SFXN5: variants seen among roughly 807,000 people sequenced by gnomAD.
SFXN5 encodes the protein sideroflexin 5.
Under a neutral mutation model 50.2 loss-of-function variants are expected in SFXN5, and 43 were observed. That is an observed-to-expected ratio of 0.86 (90% confidence interval 0.67 to 1.11). SFXN5 has a LOEUF of 1.11. SFXN5 is among the 50% of genes least tolerant of loss of function. SFXN5 has a pLI of 0.00. For missense variants in SFXN5, 463 were observed against 454.1 expected (o/e 1.02, Z -0.18); for synonymous variants, 203 against 185.8 (o/e 1.09, Z -0.75).
In SFXN5 at chr2:72,961,095, C is replaced by G; in HGVS notation, c.945+36G>C. 7.8e-7 allele frequency: 1 copy of G among 1,274,638 alleles called. No homozygotes were observed. The highest frequency in any genetic ancestry group is 2.7e-5 in the East Asian group (1 of 37,034). The allele number at this position is 1,274,638 out of a possible 1,614,324, so 79.0% of individuals were successfully genotyped here. On this transcript the variant is annotated intron_variant, in intron 13 of 13. Coordinates refer to ENST00000272433, the MANE Select transcript of SFXN5 (RefSeq NM_144579.3). The surrounding 1 kb of genome is among the most constrained non-coding windows in gnomAD (Gnocchi z 4.4). ...TTCAGAAATCACCAAACAGCACCCC[C>G]TGCCCTGCCCTGCCCTTGAGCCCCT... is the stretch of plus-strand genomic sequence containing the variant.
intron 1 of SFXN5, chr2:73,070,511 TGCC>T (rs1683501874): frequency 6.6e-6 from 1 of 152,362 alleles, no homozygotes; most frequent in Admixed American, 6.5e-5. Flanking sequence ...CCGCCTCGGC[TGCC>T]GCCCACCCCT....
At chr2:72,968,201 G>A (rs1674685297) in intron 12 of SFXN5, among the ~76,000 whole-genome samples, 1 of 150,648 alleles carries the variant, frequency 6.6e-6, no homozygotes, top group East Asian at 2.0e-4. Context: ...GGCCAGCACT[G>A]TTATCCTGGT....
intron 1 of SFXN5, 84 bp from the exon 2 acceptor site, chr2:73,058,680 G>T: frequency 2.2e-6 from 3 of 1,343,848 alleles, no homozygotes; most frequent in South Asian, 2.4e-5. Context: ...CACCCTTTAT[G>T]ATTGGGGTCC....
At chr2:73,052,738 C>G (rs1681542048) in intron 2 of SFXN5, among the ~76,000 whole-genome samples, 1 of 152,188 alleles carries the variant, frequency 6.6e-6, no homozygotes, top group Non-Finnish European at 1.5e-5. Context: ...ACAGCCTTGT[C>G]TTTAGAGATC....
chr2:73,037,872 C>T (rs1156428518), intron 3 of SFXN5, among the ~76,000 whole-genome samples: 4 of 151,986 alleles, frequency 2.6e-5, no homozygotes, highest in Non-Finnish European at 2.9e-5. Context: ...CAGGAAGCTA[C>T]GAGAAGAGGT....
intron 1 of SFXN5, chr2:73,070,918 A>T (rs949888577): frequency 5.1e-4 from 77 of 152,472 alleles, no homozygotes; most frequent in Middle Eastern, 3.4e-3. Context: ...CCAGGGGATG[A>T]CACAGCGTTT....
At chr2:72,979,379 A>T (rs2105507213) in intron 10 of SFXN5, among the ~76,000 whole-genome samples, 1 of 152,168 alleles carries the variant, frequency 6.6e-6, no homozygotes, top group Non-Finnish European at 1.5e-5. Context: ...CATGCCTGTA[A>T]TCCCAGCACT....
chr2:73,061,713 G>C (rs892843687), intron 1 of SFXN5, among the ~76,000 whole-genome samples: 2 of 152,090 alleles, frequency 1.3e-5, no homozygotes, highest in African/African-American at 4.8e-5. Flanking sequence ...TGGGTAATAG[G>C]CTTATGTATG....
At chr2:72,954,090 A>G (rs1372106427) in intron 13 of SFXN5, among the ~76,000 whole-genome samples, 1 of 152,140 alleles carries the variant, frequency 6.6e-6, no homozygotes, top group East Asian at 1.9e-4. Flanking sequence ...TGTGGCCTGT[A>G]AGAGCCACCC....
intron 10 of SFXN5, among the ~76,000 whole-genome samples, chr2:72,987,719 T>C (rs538085157): frequency 4.0e-4 from 61 of 151,974 alleles, no homozygotes; most frequent in African/African-American, 1.3e-3. Flanking sequence ...TGCACCACCA[T>C]ACTCCAGCCT....
Position 72,942,344 on chromosome 2 carries a change from TC to T in SFXN5, c.*2677del, listed in dbSNP as rs1454911406. 6.7e-6 allele frequency: 1 copy of T among 150,176 alleles called. No individual in the cohort carries two copies. The highest frequency in any genetic ancestry group is 1.5e-5 in the Non-Finnish European group (1 of 67,862). 9.3% of individuals were successfully genotyped at this position (150,176 alleles called of 1,614,324 possible). A position where few individuals can be genotyped will look rare whatever the true frequency, so the allele number is the denominator to read the frequency against. The stretch of plus-strand genomic sequence containing the variant: ...CTCCACGGCCAGCTTGACATCTTGG[TC>T]CCTGCACCCTCACACTGCTGTCTGG... On this transcript the variant is annotated 3_prime_UTR_variant, in exon 14 of 14. Coordinates refer to ENST00000272433, the MANE Select transcript of SFXN5 (RefSeq NM_144579.3).
intron 12 of SFXN5, among the ~76,000 whole-genome samples, chr2:72,962,202 A>G (rs1232470074): frequency 2.0e-5 from 3 of 152,242 alleles, no homozygotes; most frequent in Non-Finnish European, 2.9e-5. Context: ...GGCAGGCACT[A>G]AATCTGACCT....
At chr2:72,983,753 T>C (rs1026016431) in intron 10 of SFXN5, among the ~76,000 whole-genome samples, 2 of 152,184 alleles carry the variant, frequency 1.3e-5, no homozygotes, top group African/African-American at 4.8e-5. Flanking sequence ...TCTATTCCCC[T>C]GGCCACTGCC....
chr2:73,053,800 T>C (rs1179525665), intron 2 of SFXN5, among the ~76,000 whole-genome samples: 2 of 152,170 alleles, frequency 1.3e-5, no homozygotes, highest in East Asian at 3.9e-4. Flanking sequence ...TCACGACCTC[T>C]ACTGTTCTCT....
chr2:72,979,632 T>TATAA (rs1342807977), intron 10 of SFXN5, among the ~76,000 whole-genome samples: 3 of 152,178 alleles, frequency 2.0e-5, no homozygotes, highest in African/African-American at 4.8e-5. Flanking sequence ...AGACTCCGTC[T>TATAA]ATAAATAAAT....
At chr2:73,021,309 C>T (rs1172710189) in intron 5 of SFXN5, among the ~76,000 whole-genome samples, 1 of 152,036 alleles carries the variant, frequency 6.6e-6, no homozygotes, top group Non-Finnish European at 1.5e-5. Context: ...ATGATGAAAC[C>T]CCATCTCTAC....
In SFXN5 at chr2:72,961,092, CCCCTG is replaced by C. The variant is rs59002174; in HGVS notation, c.945+34_945+38del. 0.04 allele frequency: 54,580 copies of C among 1,375,292 alleles called. 9,858 individuals are homozygous for C. In the African/African-American group the frequency reaches 0.53, roughly 13 times the overall value. The allele number at this position is 1,375,292 out of a possible 1,614,324, so 85.2% of individuals were successfully genotyped here. A position where few individuals can be genotyped will look rare whatever the true frequency, so the allele number is the denominator to read the frequency against. Reference sequence around the variant, plus strand: ...TTGTTCAGAAATCACCAAACAGCACCCCCTGCCCTGCCCTGCCCTTGAGCCCCTCC... The same window carrying C: ...TTGTTCAGAAATCACCAAACAGCACCCCCTGCCCTGCCCTTGAGCCCCTCC... On this transcript the variant is annotated intron_variant, in intron 13 of 13. Transcript: ENST00000272433. This position sits in a 1 kb window ranked among gnomAD's most constrained non-coding sequence, Gnocchi z 4.4.
intron 2 of SFXN5, among the ~76,000 whole-genome samples, chr2:73,056,777 A>T (rs1487540687): frequency 6.6e-6 from 1 of 152,216 alleles, no homozygotes; most frequent in Non-Finnish European, 1.5e-5. Context: ...ATTTGACAAT[A>T]GCAAGTGTTG....
chr2:73,034,448 T>G (rs1302199933), intron 3 of SFXN5, among the ~76,000 whole-genome samples: 1 of 152,212 alleles, frequency 6.6e-6, no homozygotes, highest in East Asian at 1.9e-4. Context: ...CTGACCCCAT[T>G]GCCTTCCTGC....
Sources: gnomAD v4.1 joint callset for allele counts (sites outside exome capture counted in the v4.1 genomes callset) on GRCh38, gnomAD v4.1.1 for gene constraint, Gnocchi (gnomAD v3.1) non-coding constraint, MANE v1.5 for transcripts, NCBI Gene and HGNC (gene_info 2026-07-23, HGNC 2026-07-21) for gene names.